The following TACR1 variants were observed in gnomAD, a reference collection of about 807,000 sequenced individuals.
The protein encoded by TACR1 is tachykinin receptor 1.
In TACR1, 25 loss-of-function variants were observed where a neutral mutation model predicts 35.8. That is an observed-to-expected ratio of 0.70 (90% CI 0.51 to 0.98). The LOEUF (loss-of-function observed/expected upper bound fraction) is 0.98. TACR1 is among the 50% of genes least tolerant of loss of function. The pLI is 0.00. For synonymous variants in TACR1, 195 were observed against 206.7 expected (o/e 0.94, Z 0.48); for missense variants, 478 against 522.9 (o/e 0.91, Z 0.84).
At chr2:75,137,673 A>G (rs111378397) in intron 1 of TACR1, among the ~76,000 whole-genome samples, 15 of 142,256 alleles carry the variant, frequency 1.1e-4, no homozygotes, top group African/African-American at 3.6e-4. Flanking sequence ...AGCTTGCAGT[A>G]AGCCAGGATC....
At chr2:75,190,466 A>C (rs1675817689) in intron 1 of TACR1, among the ~76,000 whole-genome samples, 1 of 152,200 alleles carries the variant, frequency 6.6e-6, no homozygotes, top group African/African-American at 2.4e-5. Flanking sequence ...GGAAGAACAT[A>C]AATGTTTTAC....
intron 1 of TACR1, among the ~76,000 whole-genome samples, chr2:75,151,841 C>T (rs1674680228): frequency 6.6e-6 from 1 of 151,728 alleles, no homozygotes; most frequent in South Asian, 2.1e-4. Context: ...CCCTGCAAAG[C>T]CACAGGCATG....
Position 75,167,980 on chromosome 2 carries a change from C to T in TACR1, c.389+30566G>A, listed in dbSNP as rs967512270. On this transcript the variant is annotated intron_variant, in intron 1 of 4. Coordinates refer to ENST00000305249, the MANE Select transcript of TACR1 (RefSeq NM_001058.4). ...AGAAGCAAAATTGGGCATTTTCATACACCACTGGAGAAAGATGAGTTCAGA... is the reference window on the plus strand; with the variant it reads ...AGAAGCAAAATTGGGCATTTTCATATACCACTGGAGAAAGATGAGTTCAGA... 3.5e-4 allele frequency among the ~76,000 whole-genome samples: 53 copies of T among 152,218 alleles called. 1 individual carries two copies. Among genetic ancestry groups the T allele is most frequent in the African/African-American group, 1.3e-3 (52 of 41,530 alleles).
chr2:75,182,539 T>C (rs968483135), intron 1 of TACR1, among the ~76,000 whole-genome samples: 3 of 152,220 alleles, frequency 2.0e-5, no homozygotes, highest in African/African-American at 7.2e-5. Context: ...AAGTATATGA[T>C]GGTGCTTCCA....
intron 1 of TACR1, among the ~76,000 whole-genome samples, chr2:75,145,510 A>T (rs1246445819): frequency 6.6e-6 from 1 of 152,204 alleles, no homozygotes; most frequent in East Asian, 1.9e-4. Context: ...GACAAATTCA[A>T]TTTCAGAATG....
intron 2 of TACR1, among the ~76,000 whole-genome samples, chr2:75,062,834 A>G (rs147714012): frequency 6.6e-6 from 1 of 152,362 alleles, no homozygotes; most frequent in African/African-American, 2.4e-5. Flanking sequence ...TAGGTCATAC[A>G]TGGTTCTCTA....
intron 1 of TACR1, among the ~76,000 whole-genome samples, chr2:75,196,639 C>T (rs540820844): frequency 1.7e-4 from 26 of 152,262 alleles, no homozygotes; most frequent in African/African-American, 5.3e-4. Context: ...ATCCACTGTG[C>T]GGACTCTGAC....
Position 75,070,524 on chromosome 2 carries a change from G to T in TACR1, c.585-16769C>A, listed in dbSNP as rs141457728. On this transcript the variant is annotated intron_variant, in intron 2 of 4. Transcript: ENST00000305249. ...CCTATTTTACATAAGAAGAAACTAA[G>T]GAAATGGCCTCCAAAGGTCACACAG... Among the ~76,000 whole-genome samples, 612 of 152,274 alleles carry T rather than the reference G, an allele frequency of 4.0e-3. 7 individuals are homozygous for T. Among genetic ancestry groups the T allele is most frequent in the African/African-American group, 0.013 (556 of 41,550 alleles).
In TACR1 at chr2:75,051,465, C is replaced by T. The variant is rs1415486450; in HGVS notation, c.736-18G>A. ...TTGACCACCTGGCAAGAGGGTGAGA[C>T]AGGTGAGACCACCAGCACATCCCCC... On this transcript the variant is annotated intron_variant, in intron 3 of 4. Coordinates refer to ENST00000305249, the MANE Select transcript of TACR1 (RefSeq NM_001058.4). The T allele has an allele frequency of 6.2e-7, 1 of 1,613,156 alleles. No individual in the cohort carries two copies.
rs1315241681 is a variant in TACR1, at chr2:75,051,234, G to T, written c.932+17C>A. The T allele has an allele frequency of 2.5e-6, 4 of 1,614,014 alleles. No homozygotes were observed. Among genetic ancestry groups the T allele is most frequent in the African/African-American group, 2.7e-5 (2 of 74,922 alleles). On this transcript the variant is annotated intron_variant, in intron 4 of 4. Coordinates refer to ENST00000305249, the MANE Select transcript of TACR1 (RefSeq NM_001058.4). ...GTCTTGTGGCCCCTGGAGAGCTCAT[G>T]GGGTTGGGATCCTCACCTGTCATTG...
intron 2 of TACR1, among the ~76,000 whole-genome samples, chr2:75,066,152 T>C (rs1422191355): frequency 2.0e-5 from 3 of 152,208 alleles, no homozygotes; most frequent in Admixed American, 2.0e-4. Context: ...GTAGTTTCAT[T>C]GTAAAGGTGT....
intron 2 of TACR1, among the ~76,000 whole-genome samples, chr2:75,091,989 G>T (rs1056078143): frequency 2.0e-5 from 3 of 152,216 alleles, no homozygotes; most frequent in African/African-American, 7.2e-5. Context: ...TATCTCCAAA[G>T]ATTGTGAGGA....
At chr2:75,069,420 ATAAAACAGAG>A (rs1465595472) in intron 2 of TACR1, among the ~76,000 whole-genome samples, 1 of 152,174 alleles carries the variant, frequency 6.6e-6, no homozygotes, top group Non-Finnish European at 1.5e-5. Context: ...AGTTGCAAAG[ATAAAACAGAG>A]TTTCACAGTG....
chr2:75,092,080 G>T (rs770093323), intron 2 of TACR1, among the ~76,000 whole-genome samples: 1 of 152,244 alleles, frequency 6.6e-6, no homozygotes, highest in Non-Finnish European at 1.5e-5. Context: ...GCAGAACTCA[G>T]CATGCTATTT....
rs145645964 is a variant in TACR1 at position 75,051,732 on chromosome 2, G to C, written c.736-285C>G. Among the ~76,000 whole-genome samples, 6 of 152,336 alleles carry C rather than the reference G, an allele frequency of 3.9e-5. No individual in the cohort carries two copies. In the East Asian group the frequency reaches 1.2e-3, roughly 29 times the overall value. ...ACCCTATTTCAGACTTACTAAATCA[G>C]AAACTCTGGGGATAGGACCCCAAAT... On this transcript the variant is annotated intron_variant, in intron 3 of 4. Transcript: ENST00000305249.
intron 1 of TACR1, among the ~76,000 whole-genome samples, chr2:75,198,250 G>A (rs1253915929): frequency 1.3e-5 from 2 of 152,184 alleles, no homozygotes; most frequent in African/African-American, 4.8e-5. Flanking sequence ...GAGCAAAGCA[G>A]AAGTTGAAAG....
intron 2 of TACR1, among the ~76,000 whole-genome samples, chr2:75,073,234 A>C (rs1401965266): frequency 1.3e-5 from 2 of 152,178 alleles, no homozygotes; most frequent in Non-Finnish European, 2.9e-5. Flanking sequence ...AGGTGTTCCT[A>C]AACCCAGCAG....
intron 1 of TACR1, among the ~76,000 whole-genome samples, chr2:75,198,238 A>C: frequency 6.6e-6 from 1 of 152,232 alleles, no homozygotes; most frequent in East Asian, 1.9e-4. Context: ...ATATATGGAA[A>C]GGAGCAAAGC....
At chr2:75,119,774 G>A (rs948676088) in intron 2 of TACR1, among the ~76,000 whole-genome samples, 1 of 152,194 alleles carries the variant, frequency 6.6e-6, no homozygotes, top group African/African-American at 2.4e-5. Flanking sequence ...TTCTCCAGCT[G>A]TAAAATCCTG....
Sources: allele counts gnomAD v4.1 joint callset (sites outside exome capture counted in the v4.1 genomes callset), GRCh38; gene constraint gnomAD v4.1.1; transcripts MANE v1.5; gene names NCBI Gene and HGNC (gene_info 2026-07-23, HGNC 2026-07-21).